The following GRK3 variants were observed in gnomAD, a reference collection of about 807,000 sequenced individuals.
GRK3 encodes G protein-coupled receptor kinase 3.
In GRK3, 54 loss-of-function variants were observed where a neutral mutation model predicts 95.7. The ratio of observed to expected loss-of-function variants is 0.56; its 90% CI spans 0.45 to 0.71. The LOEUF (loss-of-function observed/expected upper bound fraction) is 0.71, where lower values mean the gene tolerates loss of function less well. Among genes scored for constraint, GRK3 ranks in the 30% least tolerant of loss-of-function variants. The pLI is 0.00. For synonymous variants in GRK3, 281 were observed against 290.8 expected (o/e 0.97, Z 0.34); for missense variants, 649 against 851.2 (o/e 0.76, Z 2.96).
chr22:25,718,459 T>C (rs929536352), intron 19 of GRK3, 78 bp downstream of exon 19: 1 of 1,450,046 alleles, frequency 6.9e-7, no homozygotes, highest in Non-Finnish European at 9.5e-7. Context: ...TGCTGACATG[T>C]TTTATACACT....
intron 4 of GRK3, among the ~76,000 whole-genome samples, chr22:25,662,196 G>A (rs899776897): frequency 3.9e-5 from 6 of 152,104 alleles, no homozygotes; most frequent in African/African-American, 1.4e-4. Context: ...TAGGTTATTA[G>A]GAAATTATTC....
chr22:25,585,517 C>T (rs2331129), intron 1 of GRK3, among the ~76,000 whole-genome samples: 2 of 152,266 alleles, frequency 1.3e-5, no homozygotes, highest in Admixed American at 1.3e-4. Flanking sequence ...TACACATACA[C>T]ACACAGGCAA....
intron 15 of GRK3, among the ~76,000 whole-genome samples, chr22:25,708,766 A>T (rs1253949396): frequency 6.7e-6 from 1 of 149,732 alleles, no homozygotes; most frequent in Admixed American, 6.6e-5. Flanking sequence ...GGTTCAAGCA[A>T]ATCTCCTGCC....
chr22:25,686,006 G>T (rs1214647437), intron 10 of GRK3, among the ~76,000 whole-genome samples: 1 of 151,754 alleles, frequency 6.6e-6, no homozygotes, highest in Non-Finnish European at 1.5e-5. Context: ...GGATCAATGA[G>T]GTCAGGAGAT....
At chr22:25,583,319 A>T (rs1393701939) in intron 1 of GRK3, among the ~76,000 whole-genome samples, 1 of 151,818 alleles carries the variant, frequency 6.6e-6, no homozygotes, top group Non-Finnish European at 1.5e-5. Context: ...GTCAGTCCAA[A>T]AGTGGAGGCT....
In GRK3 at chr22:25,722,518, A is replaced by G; in HGVS notation, c.*68A>G. 1.3e-6 allele frequency: 2 copies of G among 1,544,692 alleles called. No individual in the cohort carries two copies. Among genetic ancestry groups the G allele is most frequent in the Non-Finnish European group, 1.8e-6 (2 of 1,126,786 alleles). ...TCTCAGCCTTTTGGGGTGAACGAGG[A>G]TGAGGCATCTGATCTATTCGCTACC... On this transcript the variant is annotated 3_prime_UTR_variant, in exon 21 of 21. Coordinates refer to ENST00000324198, the MANE Select transcript of GRK3 (RefSeq NM_005160.4).
chr22:25,686,944 C>T (rs113212272), intron 10 of GRK3, among the ~76,000 whole-genome samples: 6,147 of 152,164 alleles, frequency 0.04, 187 homozygotes, highest in Non-Finnish European at 0.055. Context: ...ATCAGACTCC[C>T]GAGTAGCTGG....
At chr22:25,668,246 A>T (rs16980533) in intron 6 of GRK3, among the ~76,000 whole-genome samples, 8,169 of 152,306 alleles carry the variant, frequency 0.054, 232 homozygotes, top group Middle Eastern at 0.085. Flanking sequence ...GTACATCATT[A>T]AATACCTAAT....
chr22:25,692,172 T>C (rs1220565791), intron 12 of GRK3, among the ~76,000 whole-genome samples: 1 of 152,188 alleles, frequency 6.6e-6, no homozygotes, highest in African/African-American at 2.4e-5. Flanking sequence ...CTCCCAATGT[T>C]ACCCAATCTG....
At chr22:25,719,084 G>A (rs1601550133) in intron 19 of GRK3, among the ~76,000 whole-genome samples, 2 of 152,040 alleles carry the variant, frequency 1.3e-5, no homozygotes, top group East Asian at 3.9e-4. Flanking sequence ...TTGGACCTGG[G>A]CAGATTATAC....
intron 11 of GRK3, among the ~76,000 whole-genome samples, chr22:25,688,525 C>T (rs1286457370): frequency 6.6e-6 from 1 of 152,170 alleles, no homozygotes. Flanking sequence ...ACCCTCACAG[C>T]TTTACATTGT....
intron 3 of GRK3, among the ~76,000 whole-genome samples, chr22:25,653,572 C>G (rs1601503969): frequency 6.6e-6 from 1 of 152,108 alleles, no homozygotes; most frequent in Admixed American, 6.5e-5. Flanking sequence ...AACACATAAC[C>G]TTCTAGAGCT....
intron 2 of GRK3, among the ~76,000 whole-genome samples, chr22:25,639,366 G>A (rs368253681): frequency 1.4e-4 from 22 of 152,130 alleles, no homozygotes; most frequent in African/African-American, 4.8e-4. Flanking sequence ...TCTTTATAAG[G>A]TGTGAGGTAA....
intron 1 of GRK3, among the ~76,000 whole-genome samples, chr22:25,574,613 A>C (rs1428178051): frequency 6.6e-6 from 1 of 152,216 alleles, no homozygotes; most frequent in Non-Finnish European, 1.5e-5. Flanking sequence ...GTATTTTGGA[A>C]ACATCTTTTT....
intron 1 of GRK3, among the ~76,000 whole-genome samples, chr22:25,589,979 C>T (rs1332126361): frequency 6.6e-6 from 1 of 152,186 alleles, no homozygotes; most frequent in Non-Finnish European, 1.5e-5. Context: ...GATCCGGCTC[C>T]ATGATTCAAT....
chr22:25,646,729 A>G (rs2084785144), intron 3 of GRK3, among the ~76,000 whole-genome samples: 1 of 152,198 alleles, frequency 6.6e-6, no homozygotes, highest in Admixed American at 6.5e-5. Flanking sequence ...GATTTTTAAA[A>G]AAAGACAGTG....
Position 25,604,285 on chromosome 22 carries a change from T to C in GRK3, c.114-92T>C. The stretch of plus-strand genomic sequence containing the variant: ...AGAAGGGTCTCTTGTAAAGCTGATA[T>C]GAAGTCAAGACATCCGTATCTCTTC... On this transcript the variant is annotated intron_variant, in intron 1 of 20. Coordinates refer to ENST00000324198, the MANE Select transcript of GRK3 (RefSeq NM_005160.4). 8 of 900,780 alleles carry C rather than the reference T, an allele frequency of 8.9e-6. No individual in the cohort carries two copies. The South Asian group carries it at 1.4e-4, about 15-fold the overall frequency. The allele number at this position is 900,780 out of a possible 1,614,324, so 55.8% of individuals were successfully genotyped here.
At chr22:25,568,215 G>A (rs1931561125) in intron 1 of GRK3, among the ~76,000 whole-genome samples, 1 of 152,118 alleles carries the variant, frequency 6.6e-6, no homozygotes, top group Non-Finnish European at 1.5e-5. Context: ...TTTAAGTAAG[G>A]TCTAATTCAC....
At chr22:25,598,855 A>G (rs909716970) in intron 1 of GRK3, among the ~76,000 whole-genome samples, 4 of 152,124 alleles carry the variant, frequency 2.6e-5, no homozygotes, top group African/African-American at 7.2e-5. Context: ...ACACTGGCAT[A>G]AAGAACATAG....
Sources: gnomAD v4.1 joint callset for allele counts (sites outside exome capture counted in the v4.1 genomes callset) on GRCh38, gnomAD v4.1.1 for gene constraint, MANE v1.5 for transcripts, NCBI Gene and HGNC (gene_info 2026-07-23, HGNC 2026-07-21) for gene names.